MAF: variants seen among roughly 807,000 people sequenced by gnomAD.
MAF encodes transcription factor Maf.
MAF carries 10 observed loss-of-function variants against 22.0 expected under a neutral mutation model. The ratio of observed to expected loss-of-function variants is 0.45; its 90% CI spans 0.28 to 0.77. MAF has a LOEUF of 0.77. Ranked by LOEUF, MAF falls within the 30% of genes least tolerant of loss-of-function variation. The pLI is 0.12. For synonymous variants in MAF, 337 were observed against 255.8 expected (o/e 1.32, Z -3.03); for missense variants, 544 against 548.4 (o/e 0.99, Z 0.08).
the MAF span, among the ~76,000 whole-genome samples, chr16:79,404,443 G>GA: frequency 6.6e-6 from 1 of 152,176 alleles, no homozygotes; most frequent in East Asian, 1.9e-4. Context: ...ATTACTGCGT[G>GA]AGCCACCACG....
At chr16:79,214,504 C>G in the MAF span, among the ~76,000 whole-genome samples, 2 of 152,122 alleles carry the variant, frequency 1.3e-5, no homozygotes, top group African/African-American at 4.8e-5. Context: ...CTCCCAGGTT[C>G]ACGCGATTCT....
the MAF span, among the ~76,000 whole-genome samples, chr16:79,497,204 C>T: frequency 6.6e-6 from 1 of 152,170 alleles, no homozygotes; most frequent in Non-Finnish European, 1.5e-5. Context: ...TAATTGACCT[C>T]TCCTTGCCTC....
At chr16:79,358,100 G>A in the MAF span, among the ~76,000 whole-genome samples, 8 of 152,216 alleles carry the variant, frequency 5.3e-5, no homozygotes, top group Non-Finnish European at 1.0e-4. Flanking sequence ...CACAGTCACG[G>A]CACATCACAG....
chr16:79,571,226 C>T, the MAF span, among the ~76,000 whole-genome samples: 10 of 152,068 alleles, frequency 6.6e-5, no homozygotes, highest in African/African-American at 2.4e-4. Context: ...ACTTAGTGTC[C>T]CAGGGGGATG....
At chr16:79,502,948 A>T in the MAF span, among the ~76,000 whole-genome samples, 17 of 151,728 alleles carry the variant, frequency 1.1e-4, no homozygotes, top group East Asian at 3.1e-3. Flanking sequence ...AGTAAATATA[A>T]TTAAGCCTCA....
chr16:79,381,499 G>A, the MAF span, among the ~76,000 whole-genome samples: 1 of 152,220 alleles, frequency 6.6e-6, no homozygotes, highest in African/African-American at 2.4e-5. Context: ...CTAAAAGAAA[G>A]AGCGCTGTGG....
the MAF span, among the ~76,000 whole-genome samples, chr16:79,543,968 G>C: frequency 6.6e-6 from 1 of 151,760 alleles, no homozygotes; most frequent in South Asian, 2.1e-4. Context: ...TTACAGGCGT[G>C]AACCACCGCA....
chr16:79,205,253 C>G, the MAF span: 1 of 152,210 alleles, frequency 6.6e-6, no homozygotes, highest in East Asian at 1.9e-4. Context: ...TGGACTGGCA[C>G]TTTACTCTCT....
chr16:79,548,248 G>C, the MAF span, among the ~76,000 whole-genome samples: 8 of 152,084 alleles, frequency 5.3e-5, no homozygotes, highest in East Asian at 1.9e-4. Context: ...ATATTTCTAA[G>C]TACGGATGTT....
chr16:79,275,923 C>T, the MAF span, among the ~76,000 whole-genome samples: 9 of 152,210 alleles, frequency 5.9e-5, no homozygotes, highest in South Asian at 1.2e-3. Flanking sequence ...AGGCAGATCA[C>T]GAGGTCAGGA....
At chr16:79,413,458 C>A in the MAF span, among the ~76,000 whole-genome samples, 3 of 150,006 alleles carry the variant, frequency 2.0e-5, no homozygotes, top group African/African-American at 7.3e-5. Flanking sequence ...TGGTCTCGAT[C>A]TCCTGACCTC....
At chr16:79,289,272 G>A in the MAF span, among the ~76,000 whole-genome samples, 1 of 152,240 alleles carries the variant, frequency 6.6e-6, no homozygotes, top group East Asian at 1.9e-4. Flanking sequence ...GGTGATGGAA[G>A]ACTGGGGCAG....
chr16:79,411,111 C>G, the MAF span, among the ~76,000 whole-genome samples: 2 of 152,114 alleles, frequency 1.3e-5, no homozygotes, highest in Non-Finnish European at 2.9e-5. Flanking sequence ...CTCCCTTGTC[C>G]CATTTTAGTT....
At chr16:79,396,982 G>C in the MAF span, among the ~76,000 whole-genome samples, 6 of 152,354 alleles carry the variant, frequency 3.9e-5, no homozygotes, top group Admixed American at 3.9e-4. Context: ...TATCTACCAT[G>C]CTGTGGCTAT....
At chr16:79,398,922 A>T in the MAF span, among the ~76,000 whole-genome samples, 31 of 152,302 alleles carry the variant, frequency 2.0e-4, no homozygotes, top group African/African-American at 6.5e-4. Flanking sequence ...CTGGAAGAAC[A>T]CATGCCTTGC....
At chr16:79,577,473 T>C in the MAF span, among the ~76,000 whole-genome samples, 13 of 152,270 alleles carry the variant, frequency 8.5e-5, no homozygotes, top group Admixed American at 7.2e-4. Context: ...AATATCTGCC[T>C]CTCTATTCAT....
the MAF span, among the ~76,000 whole-genome samples, chr16:79,284,406 C>A: frequency 2.0e-5 from 3 of 152,138 alleles, no homozygotes; most frequent in African/African-American, 7.2e-5. Context: ...TGGGTAATTA[C>A]AAAATACCTG....
At chr16:79,367,028 GT>G in the MAF span, among the ~76,000 whole-genome samples, 35 of 151,268 alleles carry the variant, frequency 2.3e-4, no homozygotes, top group African/African-American at 7.5e-4. Context: ...AAAACTCAAG[GT>G]TTTTTTTTCC....
the MAF span, among the ~76,000 whole-genome samples, chr16:79,396,721 C>A: frequency 6.6e-6 from 1 of 152,186 alleles, no homozygotes; most frequent in Non-Finnish European, 1.5e-5. Context: ...ACTGGAGCAT[C>A]TTTCAAACAC....
Sources: gnomAD v4.1 joint callset for allele counts (sites outside exome capture counted in the v4.1 genomes callset) on GRCh38, gnomAD v4.1.1 for gene constraint, MANE v1.5 for transcripts, NCBI Gene and HGNC (gene_info 2026-07-23, HGNC 2026-07-21) for gene names.